The following CLSPN variants were observed in gnomAD, a reference collection of about 807,000 sequenced individuals.
CLSPN encodes the protein claspin homolog.
In CLSPN, 85 loss-of-function variants were observed where a neutral mutation model predicts 156.3. That is an observed-to-expected ratio of 0.54 (90% confidence interval 0.46 to 0.65). CLSPN has a LOEUF of 0.65. Ranked by LOEUF, CLSPN falls within the 30% of genes least tolerant of loss-of-function variation. The pLI is 0.00. For synonymous variants in CLSPN, 534 were observed against 542.4 expected (o/e 0.98, Z 0.22); for missense variants, 1,407 against 1,554.9 (o/e 0.90, Z 1.60).
rs535632786 is a variant in CLSPN, at chr1:35,748,326, T to C, written c.2472+79A>G. The C allele has an allele frequency of 8.1e-6, 11 of 1,364,818 alleles. No individual in the cohort carries two copies. In the African/African-American group the frequency reaches 1.3e-4, roughly 16 times the overall value. The allele number at this position is 1,364,818 out of a possible 1,614,324, so 84.5% of individuals were successfully genotyped here. A position where few individuals can be genotyped will look rare whatever the true frequency, so the allele number is the denominator to read the frequency against. On this transcript the variant is annotated intron_variant, in intron 13 of 24. Coordinates refer to ENST00000318121, the MANE Select transcript of CLSPN (RefSeq NM_022111.4). ...AGCTCAGTACCAACGTGGTGGGAGT[T>C]GGTTGGCTGGGACAAACTTTATTTA...
intron 20 of CLSPN, 102 bp from the exon 21 acceptor site, chr1:35,738,684 A>T (rs1448820052): frequency 8.5e-7 from 1 of 1,179,870 alleles, no homozygotes; most frequent in Non-Finnish European, 1.2e-6. Context: ...ATAATGATGT[A>T]AACTTTTCCC....
chr1:35,762,496 AG>A lies in CLSPN; in HGVS notation c.745-16del, dbSNP rs1642517253. ...GGTTCTTTTTTCTAAAAGAAATGGC[AG>A]GTTGATTAGGACAAAAACGAAATTC... On this transcript the variant is annotated splice_polypyrimidine_tract_variant and intron_variant, in intron 4 of 24. Coordinates refer to ENST00000318121, the MANE Select transcript of CLSPN (RefSeq NM_022111.4). The A allele has an allele frequency of 6.2e-7, 1 of 1,609,876 alleles. No individual in the cohort carries two copies. The highest frequency in any genetic ancestry group is 1.7e-5 in the Admixed American group (1 of 59,924).
rs373622108 is a variant in CLSPN, at chr1:35,745,513, G to A, written c.2904C>T (p.Ser968=). 1.0e-4 allele frequency: 163 copies of A among 1,614,030 alleles called. 2 individuals are homozygous for A. In the South Asian group the frequency reaches 1.0e-3, roughly 10 times the overall value. ...CTTCTTCCATTGGATCACCCATGCT[G>A]CTCTCCTTCTCCTGTTTATTTAACT... The part of the protein sequence containing the change: ...SSELNKQEKE[S]SMGDPMEEAL... The change falls in exon 16 of 25, where the codon AGC becomes AGT. Residue 968 remains serine (S), a synonymous_variant. Transcript: ENST00000318121.
At chr1:35,750,518 G>A (rs567220961) in intron 10 of CLSPN, among the ~76,000 whole-genome samples, 12 of 151,518 alleles carry the variant, frequency 7.9e-5, no homozygotes, top group African/African-American at 2.9e-4. Context: ...TCTCCTGCCT[G>A]AGTAGCTGGG....
chr1:35,735,346 C>T lies in CLSPN; in HGVS notation c.*1150G>A. On this transcript the variant is annotated 3_prime_UTR_variant, in exon 25 of 25. Transcript: ENST00000318121. The stretch of plus-strand genomic sequence containing the variant: ...TGATGCTGCCTTGGGAAGAAGCATA[C>T]AGGAAAATGAAAGGGGTAAGAGTAA... 1 of 985,404 alleles carries T rather than the reference C, an allele frequency of 1.0e-6. No homozygotes were observed. The highest frequency in any genetic ancestry group is 1.2e-6 in the Non-Finnish European group (1 of 829,922). 61.0% of individuals were successfully genotyped at this position (985,404 alleles called of 1,614,324 possible). A position where few individuals can be genotyped will look rare whatever the true frequency, so the allele number is the denominator to read the frequency against.
intron 24 of CLSPN, among the ~76,000 whole-genome samples, chr1:35,722,557 A>G (rs541557126): frequency 2.6e-4 from 39 of 151,998 alleles, no homozygotes; most frequent in Admixed American, 7.2e-4. Context: ...GCCTAAAGCT[A>G]GTTATTCCTA....
rs1641410223 is a variant in CLSPN at position 35,734,769 on chromosome 1, A to G, written c.*1727T>C. 1 of 984,904 alleles carries G rather than the reference A, an allele frequency of 1.0e-6. No homozygotes were observed. The highest frequency in any genetic ancestry group is 6.1e-5 in the Admixed American group (1 of 16,262). 61.0% of individuals were successfully genotyped at this position (984,904 alleles called of 1,614,324 possible). A position where few individuals can be genotyped will look rare whatever the true frequency, so the allele number is the denominator to read the frequency against. On this transcript the variant is annotated 3_prime_UTR_variant, in exon 25 of 25. Coordinates refer to ENST00000318121, the MANE Select transcript of CLSPN (RefSeq NM_022111.4). Reference sequence around the variant, plus strand: ...CCTACAACCTAATTGCATCAATTAAATTGGTGTTCCCATCTCCCAGTAAAA... The same window carrying G: ...CCTACAACCTAATTGCATCAATTAAGTTGGTGTTCCCATCTCCCAGTAAAA...
chr1:35,751,326 TC>T lies in CLSPN; in HGVS notation c.1951del (p.Glu651ArgfsTer9). 6.3e-7 allele frequency: 1 copy of T among 1,590,872 alleles called. No individual in the cohort carries two copies. Among genetic ancestry groups the T allele is most frequent in the African/African-American group, 1.3e-5 (1 of 74,746 alleles). ...TAGTTCTTCCTCTTTCTCTTCTTTC[TC>T]TACCTTCTCTTCTCCATCTTCCTCA... ...ESEEDGEEKV[E>X]KEEKEEELEE... On this transcript the variant is annotated frameshift_variant, in exon 10 of 25. Coordinates refer to ENST00000318121, the MANE Select transcript of CLSPN (RefSeq NM_022111.4). LOFTEE classifies it high-confidence loss of function.
chr1:35,762,846 CA>C (rs1642529423), intron 4 of CLSPN, among the ~76,000 whole-genome samples: 1 of 152,080 alleles, frequency 6.6e-6, no homozygotes, highest in Admixed American at 6.6e-5. Flanking sequence ...GTTCATTTCT[CA>C]AAGGCTATAG....
At chr1:35,743,366 A>C in intron 17 of CLSPN, 89 bp downstream of exon 17, 1 of 1,386,150 alleles carries the variant, frequency 7.2e-7, no homozygotes, top group Non-Finnish European at 1.0e-6. Flanking sequence ...TGCCAAACTT[A>C]GAATTCTCAA....
At chr1:35,758,173 G>GT (rs781405427) in intron 8 of CLSPN, among the ~76,000 whole-genome samples, 2,537 of 140,558 alleles carry the variant, frequency 0.018, 21 homozygotes, top group African/African-American at 0.042. Context: ...ATTTTTTTGT[G>GT]TTTTTTTTTT....
intron 18 of CLSPN, 88 bp from the exon 19 acceptor site, chr1:35,739,617 CTAA>C (rs1641623059): frequency 4.3e-6 from 4 of 925,430 alleles, no homozygotes; most frequent in Admixed American, 5.0e-5. Flanking sequence ...AGAGTCACTT[CTAA>C]TAATAATAAA....
intron 24 of CLSPN, among the ~76,000 whole-genome samples, chr1:35,725,699 G>C (rs140300644): frequency 1.8e-3 from 267 of 152,232 alleles, no homozygotes; most frequent in African/African-American, 5.5e-3. Context: ...CCGGTGGCTC[G>C]TGCGGAGGGG....
rs373062351 is a variant in CLSPN, at chr1:35,760,785, G to A, written c.1136C>T (p.Ala379Val). 1 of 1,613,462 alleles carries A rather than the reference G, an allele frequency of 6.2e-7. No homozygotes were observed. The highest frequency in any genetic ancestry group is 2.2e-5 in the East Asian group (1 of 44,890). ...GGTTTCCTTTGAAACTACAGGGAGT[G>A]CATTAGTTTCCACTTCATTTTCTGC... is the stretch of plus-strand genomic sequence containing the variant. Reference protein sequence around the residue: ...TGAENEVETNALPVVSKETQI... With the variant: ...TGAENEVETNVLPVVSKETQI... The change falls in exon 8 of 25, where the codon GCA becomes GTA. Residue 379 changes from alanine to valine, a missense_variant. By Grantham distance (64) the Ala-to-Val change is moderately conservative (BLOSUM62 0). Coordinates refer to ENST00000318121, the MANE Select transcript of CLSPN (RefSeq NM_022111.4).
chr1:35,738,705 AGAAAACAGTTACAACTAGGTC>A (rs1641573646), intron 20 of CLSPN, 123 bp from the exon 21 acceptor site: 8 of 987,844 alleles, frequency 8.1e-6, no homozygotes, highest in Non-Finnish European at 1.2e-5. Context: ...ATCCATTAAC[AGAAAACAGTTACAACTAGGTC>A]TTCACATAGC....
chr1:35,769,930 AG>A lies in CLSPN; in HGVS notation c.-61del. 6.3e-7 allele frequency: 1 copy of A among 1,588,216 alleles called. No individual in the cohort carries two copies. The highest frequency in any genetic ancestry group is 1.1e-5 in the South Asian group (1 of 88,938). On this transcript the variant is annotated 5_prime_UTR_variant, in exon 1 of 25. Transcript: ENST00000318121. ...AGCTGTCTCTGATTCCCTCAGCCGGAGAGCAGCGGCTCCCGCCGTCTCCAGC... is the reference window on the plus strand; with the variant it reads ...AGCTGTCTCTGATTCCCTCAGCCGGAAGCAGCGGCTCCCGCCGTCTCCAGC...
At chr1:35,748,244 G>A (rs1641957824) in intron 13 of CLSPN, among the ~76,000 whole-genome samples, 161 bp downstream of exon 13, 1 of 152,200 alleles carries the variant, frequency 6.6e-6, no homozygotes, top group Non-Finnish European at 1.5e-5. Flanking sequence ...AAGAATACTG[G>A]ATGAAGCTTG....
At chr1:35,751,566 G>A (rs1642088715) in intron 9 of CLSPN, 60 bp from the exon 10 acceptor site, 32 of 1,540,130 alleles carry the variant, frequency 2.1e-5, no homozygotes, top group Non-Finnish European at 2.6e-5. Flanking sequence ...ATGCATTTTA[G>A]GCAACTCCAG....
rs137897761 is a variant in CLSPN, at chr1:35,757,446, A to C, written c.1579+2896T>G. Among the ~76,000 whole-genome samples the C allele has an allele frequency of 1.5e-4, 23 of 152,348 alleles. 1 individual carries two copies. In the East Asian group the frequency reaches 4.0e-3, roughly 27 times the overall value. The stretch of plus-strand genomic sequence containing the variant: ...TTATTTCTAAAGGAAAACATGTTCC[A>C]AGTTAAAAAATAAGTGCTCATTATA... On this transcript the variant is annotated intron_variant, in intron 8 of 24. Coordinates refer to ENST00000318121, the MANE Select transcript of CLSPN (RefSeq NM_022111.4).
Sources: gnomAD v4.1 joint callset for allele counts (sites outside exome capture counted in the v4.1 genomes callset) on GRCh38, gnomAD v4.1.1 for gene constraint, MANE v1.5 for transcripts, NCBI Gene and HGNC (gene_info 2026-07-23, HGNC 2026-07-21) for gene names.